PDK1: variants seen among roughly 807,000 people sequenced by gnomAD.
PDK1 encodes the protein [Pyruvate dehydrogenase (acetyl-transferring)] kinase isozyme 1, mitochondrial.
PDK1 carries 39 observed loss-of-function variants against 54.2 expected under a neutral mutation model. That is an observed-to-expected ratio of 0.72 (90% CI 0.56 to 0.94). The LOEUF is 0.94. Among genes scored for constraint, PDK1 ranks in the 40% least tolerant of loss-of-function variants. The pLI, the probability that PDK1 is intolerant of heterozygous loss-of-function variation, is 0.00. For synonymous variants in PDK1, 221 were observed against 207.1 expected (o/e 1.07, Z -0.58); for missense variants, 552 against 566.0 (o/e 0.98, Z 0.25).
At chr2:172,633,687 T>A in the PDK1 span, among the ~76,000 whole-genome samples, 1 of 150,878 alleles carries the variant, frequency 6.6e-6, no homozygotes, top group Non-Finnish European at 1.5e-5. Flanking sequence ...TCAATTCTCT[T>A]CTTTTTAATA....
the PDK1 span, among the ~76,000 whole-genome samples, chr2:172,629,921 T>A: frequency 6.6e-6 from 1 of 152,236 alleles, no homozygotes; most frequent in Non-Finnish European, 1.5e-5. Context: ...TGGCTAGTCC[T>A]GTGAGGAGGT....
chr2:172,610,345 C>T (rs1483935211), downstream of PDK1, among the ~76,000 whole-genome samples: 1 of 152,060 alleles, frequency 6.6e-6, no homozygotes, highest in Non-Finnish European at 1.5e-5. Context: ...CACTGCCTGC[C>T]CCTACGATGC....
chr2:172,707,107 C>T, the PDK1 span, among the ~76,000 whole-genome samples: 1 of 152,158 alleles, frequency 6.6e-6, no homozygotes, highest in East Asian at 1.9e-4. Context: ...TCCTCTGATA[C>T]CCCACCAGCA....
chr2:172,661,204 C>T, the PDK1 span, among the ~76,000 whole-genome samples: 1 of 152,126 alleles, frequency 6.6e-6, no homozygotes, highest in Non-Finnish European at 1.5e-5. Context: ...TCCCAGTAGA[C>T]CTCCAGGCAG....
the PDK1 span, among the ~76,000 whole-genome samples, chr2:172,722,423 G>A: frequency 6.6e-6 from 1 of 152,192 alleles, no homozygotes; most frequent in Non-Finnish European, 1.5e-5. Context: ...GTTATCTGTA[G>A]GTCATTCACA....
chr2:172,653,125 A>G, the PDK1 span, among the ~76,000 whole-genome samples: 4 of 152,210 alleles, frequency 2.6e-5, no homozygotes, highest in East Asian at 1.9e-4. Flanking sequence ...AAACAGAGAT[A>G]TAGACCAATG....
chr2:172,722,082 C>T, the PDK1 span, among the ~76,000 whole-genome samples: 4 of 152,240 alleles, frequency 2.6e-5, no homozygotes, highest in Non-Finnish European at 5.9e-5. Context: ...AAGCCACTCA[C>T]GTGGCATTCC....
At chr2:172,709,565 A>T in the PDK1 span, among the ~76,000 whole-genome samples, 1 of 152,200 alleles carries the variant, frequency 6.6e-6, no homozygotes, top group Admixed American at 6.5e-5. Flanking sequence ...GATGTGGAAA[A>T]TACAGGTAGT....
rs1691024886 is a variant in PDK1 at position 172,599,148 on chromosome 2, T to G, written c.*3179T>G. On this transcript the variant is annotated 3_prime_UTR_variant, in exon 11 of 11. Transcript: ENST00000282077. The stretch of plus-strand genomic sequence containing the variant: ...TTGAAATTTGAATAACTTTCCACAG[T>G]ATAACTGTAAAAAAAAAAAAAAAAA... 7.0e-6 allele frequency: 1 copy of G among 141,950 alleles called. No homozygotes were observed. The highest frequency in any genetic ancestry group is 2.8e-5 in the African/African-American group (1 of 35,878). 8.8% of individuals were successfully genotyped at this position (141,950 alleles called of 1,614,324 possible). A position where few individuals can be genotyped will look rare whatever the true frequency, so the allele number is the denominator to read the frequency against.
chr2:172,625,930 C>A, the PDK1 span, among the ~76,000 whole-genome samples: 81 of 152,176 alleles, frequency 5.3e-4, no homozygotes, highest in African/African-American at 1.8e-3. Context: ...TAAACATAAA[C>A]GTCACAAAGA....
chr2:172,719,688 T>A, the PDK1 span, among the ~76,000 whole-genome samples: 1 of 152,238 alleles, frequency 6.6e-6, no homozygotes, highest in Non-Finnish European at 1.5e-5. Context: ...TTCCAATATA[T>A]GTTTATTTCC....
downstream of PDK1, among the ~76,000 whole-genome samples, chr2:172,612,469 GGTTT>G (rs1291711891): frequency 1.3e-5 from 2 of 151,900 alleles, no homozygotes; most frequent in Non-Finnish European, 2.9e-5. Flanking sequence ...TTGATTAGAA[GGTTT>G]GTTTTTTTTT....
At position 172,571,823 on chromosome 2, in the gene PDK1, C is replaced by CGTTTTTTTTTTTT. The variant is rs765005051; in HGVS notation, c.945+999_945+1000insGTTTTTTTTTTTT. Reference sequence around the variant, plus strand: ...CTCAGAGATTCTTAGTCTTTCTTTACTTTTTTTTTTTTTTTTTTTTTTTTT... The same window carrying CGTTTTTTTTTTTT: ...CTCAGAGATTCTTAGTCTTTCTTTACGTTTTTTTTTTTTTTTTTTTTTTTTTTTTTTTTTTTTT... On this transcript the variant is annotated intron_variant, in intron 8 of 10. Transcript: ENST00000282077. Among the ~76,000 whole-genome samples the CGTTTTTTTTTTTT allele has an allele frequency of 1.6e-4, 16 of 99,796 alleles. 1 individual carries two copies. Among genetic ancestry groups the CGTTTTTTTTTTTT allele is most frequent in the African/African-American group, 3.5e-4 (9 of 25,622 alleles). 65.5% of individuals were successfully genotyped at this position (99,796 alleles called of 152,430 possible).
At chr2:172,622,348 GTGTGAGATATGTTTATATCATATATTA>G in the PDK1 span, among the ~76,000 whole-genome samples, 40 of 92,808 alleles carry the variant, frequency 4.3e-4, no homozygotes, top group Admixed American at 1.1e-3. Context: ...CTCATATATT[GTGTGAGATATGTTTATATCATATATTA>G]TGTGAGATAT....
At chr2:172,616,506 A>G in the PDK1 span, among the ~76,000 whole-genome samples, 61 of 152,324 alleles carry the variant, frequency 4.0e-4, no homozygotes, top group African/African-American at 1.4e-3. Flanking sequence ...ATGCTCAGGC[A>G]TATGAAAACC....
At chr2:172,720,371 T>C in the PDK1 span, among the ~76,000 whole-genome samples, 7 of 152,140 alleles carry the variant, frequency 4.6e-5, no homozygotes, top group African/African-American at 1.4e-4. Flanking sequence ...CACCTCGGCC[T>C]CCCAAAGTTC....
At chr2:172,563,731 G>T (rs1417285833) in intron 3 of PDK1, among the ~76,000 whole-genome samples, 1 of 152,100 alleles carries the variant, frequency 6.6e-6, no homozygotes, top group Non-Finnish European at 1.5e-5. Flanking sequence ...TACTCAGGAA[G>T]GCTGAGGCAG....
the PDK1 span, among the ~76,000 whole-genome samples, chr2:172,634,772 C>CAAAA: frequency 2.3e-4 from 30 of 129,762 alleles, no homozygotes; most frequent in African/African-American, 8.5e-4. Context: ...TCTTAAAATG[C>CAAAA]AAAAAAAAAA....
chr2:172,586,158 CAAAAAA>C, intron 8 of PDK1, 114 bp from the exon 9 acceptor site: 11 of 350,412 alleles, frequency 3.1e-5, no homozygotes, highest in East Asian at 5.5e-5. Context: ...GACTCTGTCT[CAAAAAA>C]AAAAAAAAAA....
Sources: allele counts gnomAD v4.1 joint callset (sites outside exome capture counted in the v4.1 genomes callset), GRCh38; gene constraint gnomAD v4.1.1; transcripts MANE v1.5; gene names NCBI Gene and HGNC (gene_info 2026-07-23, HGNC 2026-07-21).